Variants in SLCO1C1 observed in about 807,000 individuals in gnomAD.
The protein encoded by SLCO1C1 is solute carrier organic anion transporter family member 1C1.
Under a neutral mutation model 76.4 loss-of-function variants are expected in SLCO1C1, and 70 were observed. The ratio of observed to expected loss-of-function variants is 0.92; its 90% confidence interval spans 0.76 to 1.12. The LOEUF is 1.12. Among genes scored for constraint, SLCO1C1 ranks in the 50% most tolerant of loss-of-function variants. The pLI, the probability that SLCO1C1 is intolerant of heterozygous loss-of-function variation, is 0.00. For synonymous variants in SLCO1C1, 306 were observed against 286.1 expected (o/e 1.07, Z -0.70); for missense variants, 912 against 823.8 (o/e 1.11, Z -1.31).
In SLCO1C1 at chr12:20,752,342, A is replaced by G; in HGVS notation, c.1953A>G (p.Thr651=). ...IYLGLTVILG[T]VSILLSIAVL... ...TGGGACTAACTGTGATACTGGGCAC[A>G]GTGTCAATTCTCCTAAGCATTGCAG... Residue 651 remains threonine (T), a synonymous_variant, in exon 15 of 15, where the codon ACA becomes ACG. Transcript: ENST00000266509. 1 of 1,610,944 alleles carries G rather than the reference A, an allele frequency of 6.2e-7. No individual in the cohort carries two copies. The highest frequency in any genetic ancestry group is 8.5e-7 in the Non-Finnish European group (1 of 1,178,116).
At chr12:20,727,119 G>A (rs1948049438) in intron 9 of SLCO1C1, among the ~76,000 whole-genome samples, 1 of 152,180 alleles carries the variant, frequency 6.6e-6, no homozygotes, top group East Asian at 1.9e-4. Flanking sequence ...ATGGGTGACT[G>A]ATTCCACGTT....
At chr12:20,735,083 G>A (rs1304618797) in intron 10 of SLCO1C1, among the ~76,000 whole-genome samples, 1 of 152,140 alleles carries the variant, frequency 6.6e-6, no homozygotes, top group Non-Finnish European at 1.5e-5. Context: ...GTATCCCAAT[G>A]ATTCCTGCCC....
chr12:20,740,215 C>A lies in SLCO1C1; in HGVS notation c.1580C>A (p.Ala527Glu). 1 of 1,612,602 alleles carries A rather than the reference C, an allele frequency of 6.2e-7. No homozygotes were observed. The highest frequency in any genetic ancestry group is 8.5e-7 in the Non-Finnish European group (1 of 1,179,534). ...TACAACTGCACTTGTGTGGGAATTG[C>A]AGCTTCTAAATCCGGAAATTCCTCA... ...IFYNCTCVGI[A>E]ASKSGNSSGI... is the part of the protein sequence containing the mutation. The change falls in exon 12 of 15, where the codon GCA becomes GAA. Residue 527 changes from alanine (A) to glutamate (E), a missense_variant. By Grantham distance (107) the Ala-to-Glu change is moderately radical (BLOSUM62 -1). Coordinates refer to ENST00000266509, the MANE Select transcript of SLCO1C1 (RefSeq NM_017435.5).
intron 10 of SLCO1C1, among the ~76,000 whole-genome samples, chr12:20,733,642 T>C (rs1020044385): frequency 6.6e-6 from 1 of 152,228 alleles, no homozygotes; most frequent in Admixed American, 6.5e-5. Context: ...CAATCCTCCA[T>C]AGTTGCTGTT....
At chr12:20,716,231 C>G (rs543718798) in intron 6 of SLCO1C1, among the ~76,000 whole-genome samples, 1 of 152,276 alleles carries the variant, frequency 6.6e-6, no homozygotes, top group South Asian at 2.1e-4. Flanking sequence ...CAGAAAACTT[C>G]AGTAAAATCA....
intron 6 of SLCO1C1, among the ~76,000 whole-genome samples, chr12:20,716,692 C>A (rs954343695): frequency 6.6e-6 from 1 of 152,074 alleles, no homozygotes; most frequent in African/African-American, 2.4e-5. Flanking sequence ...TACCACAGAA[C>A]CTTGAAATGA....
intron 10 of SLCO1C1, among the ~76,000 whole-genome samples, chr12:20,735,901 G>T (rs1327316306): frequency 6.6e-6 from 1 of 152,120 alleles, no homozygotes; most frequent in Non-Finnish European, 1.5e-5. Flanking sequence ...GGACATATGG[G>T]AGTGAATACA....
chr12:20,717,361 T>G, intron 7 of SLCO1C1, 131 bp downstream of exon 7: 1 of 612,144 alleles, frequency 1.6e-6, no homozygotes, highest in Non-Finnish European at 2.7e-6. Flanking sequence ...AACTAAAAAT[T>G]TTATTATTAA....
chr12:20,712,873 A>AG (rs1421778070), intron 5 of SLCO1C1, among the ~76,000 whole-genome samples: 66 of 152,292 alleles, frequency 4.3e-4, no homozygotes, highest in African/African-American at 1.6e-3. Flanking sequence ...AAAAGAAGGA[A>AG]CTCATTCTAG....
At chr12:20,703,422 T>C (rs868839519) in intron 3 of SLCO1C1, among the ~76,000 whole-genome samples, 7 of 17,962 alleles carry the variant, frequency 3.9e-4, no homozygotes, top group Middle Eastern at 0.031. Context: ...TTGTTGTTGA[T>C]ATTACCTTAT....
chr12:20,739,497 A>G (rs536087560), intron 11 of SLCO1C1, among the ~76,000 whole-genome samples: 1 of 152,042 alleles, frequency 6.6e-6, no homozygotes, highest in East Asian at 1.9e-4. Context: ...CGAAGAGAAG[A>G]GCTGCCCGGG....
At chr12:20,743,476 G>T in intron 13 of SLCO1C1, 107 bp downstream of exon 13, 1 of 794,358 alleles carries the variant, frequency 1.3e-6, no homozygotes, top group South Asian at 2.1e-5. Flanking sequence ...TGTTGTAGGT[G>T]GCAAAGTTCA....
Position 20,740,069 on chromosome 12 carries a change from A to G in SLCO1C1, c.1549-115A>G, listed in dbSNP as rs946738798. 3 of 1,033,692 alleles carry G rather than the reference A, an allele frequency of 2.9e-6. No homozygotes were observed. In the African/African-American group the frequency reaches 4.8e-5, roughly 17 times the overall value. 64.0% of individuals were successfully genotyped at this position (1,033,692 alleles called of 1,614,324 possible). On this transcript the variant is annotated intron_variant, in intron 11 of 14. Coordinates refer to ENST00000266509, the MANE Select transcript of SLCO1C1 (RefSeq NM_017435.5). ...TACTGTAATACAAAAAAATAAAAGA[A>G]TATTTCCTCATTGTTTACATAATGC...
intron 9 of SLCO1C1, among the ~76,000 whole-genome samples, chr12:20,724,712 G>A (rs1947877246): frequency 6.7e-6 from 1 of 148,154 alleles, no homozygotes; most frequent in Non-Finnish European, 1.5e-5. Flanking sequence ...GTGCATAGCA[G>A]TGGTACATTC....
chr12:20,740,787 T>TTATATATATATATATATATATATA lies in SLCO1C1; in HGVS notation c.1733+427_1733+450dup, dbSNP rs71039980. Among the ~76,000 whole-genome samples the TTATATATATATATATATATATATA allele has an allele frequency of 1.9e-3, 144 of 75,020 alleles. 4 individuals carry two copies. The highest frequency in any genetic ancestry group is 4.5e-3 in the African/African-American group (83 of 18,410). The allele number at this position is 75,020 out of a possible 152,430, so 49.2% of individuals were successfully genotyped here. A position where few individuals can be genotyped will look rare whatever the true frequency, so the allele number is the denominator to read the frequency against. ...ACAACAATGTTAGAATTTATTTTAT[T>TTATATATATATATATATATATATA]TATATATATATATATATATATATAT... On this transcript the variant is annotated intron_variant, in intron 12 of 14. Coordinates refer to ENST00000266509, the MANE Select transcript of SLCO1C1 (RefSeq NM_017435.5).
At chr12:20,706,172 T>C in intron 4 of SLCO1C1, 91 bp downstream of exon 4, 1 of 1,397,334 alleles carries the variant, frequency 7.2e-7, no homozygotes, top group Non-Finnish European at 9.5e-7. Context: ...AATTTAAGCT[T>C]AACCCATGAT....
intron 3 of SLCO1C1, among the ~76,000 whole-genome samples, chr12:20,705,603 A>G (rs992380594): frequency 7.0e-6 from 1 of 143,218 alleles, no homozygotes; most frequent in African/African-American, 3.0e-5. Flanking sequence ...AGAAAAAATA[A>G]GAAGTTTACT....
rs1206473619 is a variant in SLCO1C1, at chr12:20,709,744, G to A, written c.405-1642G>A. ...AAAATACAAAAAATTAGCCGGGCGC[G>A]GTGGCGGGCGCCTGTAGTCCCAGCT... On this transcript the variant is annotated intron_variant, in intron 4 of 14. Transcript: ENST00000266509. Among the ~76,000 whole-genome samples the A allele has an allele frequency of 3.5e-5, 2 of 57,756 alleles. 1 individual carries two copies. Among genetic ancestry groups the A allele is most frequent in the Non-Finnish European group, 7.8e-5 (2 of 25,510 alleles). 37.9% of individuals were successfully genotyped at this position (57,756 alleles called of 152,430 possible).
intron 3 of SLCO1C1, among the ~76,000 whole-genome samples, chr12:20,703,540 G>C (rs1322267995): frequency 6.6e-6 from 1 of 151,770 alleles, no homozygotes; most frequent in Non-Finnish European, 1.5e-5. Flanking sequence ...TAAGCAATAT[G>C]CTTGCTTTGT....
Sources: allele counts gnomAD v4.1 joint callset (sites outside exome capture counted in the v4.1 genomes callset), GRCh38; gene constraint gnomAD v4.1.1; transcripts MANE v1.5; gene names NCBI Gene and HGNC (gene_info 2026-07-23, HGNC 2026-07-21).